RTTN: variants seen among roughly 807,000 people sequenced by gnomAD.
The protein encoded by RTTN is rotatin.
In RTTN, 182 loss-of-function variants were observed where a neutral mutation model predicts 269.2. That is an observed-to-expected ratio of 0.68 (90% CI 0.60 to 0.76). The LOEUF (loss-of-function observed/expected upper bound fraction) is 0.76. Among genes scored for constraint, RTTN ranks in the 30% least tolerant of loss-of-function variants. The pLI, the probability that RTTN is intolerant of heterozygous loss-of-function variation, is 0.00. For missense variants in RTTN, 2,545 were observed against 2,608.6 expected (o/e 0.98, Z 0.53); for synonymous variants, 1,006 against 963.5 (o/e 1.04, Z -0.82).
rs558207385 is a variant in RTTN at position 70,008,172 on chromosome 18, A to G, written c.6422-1688T>C. On this transcript the variant is annotated intron_variant, in intron 46 of 48. Transcript: ENST00000640769. ...AAGACCTGCAGCAGAGAGGCCCGTT[A>G]GGAAGAAAACTAACAAACAGAAAGG... 234 of 152,374 alleles carry G rather than the reference A, an allele frequency of 1.5e-3. 3 individuals are homozygous for G. The highest frequency in any genetic ancestry group is 0.012 in the South Asian group (57 of 4,832). 9.4% of individuals were successfully genotyped at this position (152,374 alleles called of 1,614,324 possible).
intron 7 of RTTN, among the ~76,000 whole-genome samples, chr18:70,195,048 T>A (rs951999447): frequency 6.6e-6 from 1 of 152,206 alleles, no homozygotes; most frequent in Non-Finnish European, 1.5e-5. Flanking sequence ...AGCTTCTCAC[T>A]ACACTTCAAA....
rs1243167801 is a variant in RTTN, at chr18:70,006,395, A to G, written c.6511T>C (p.Tyr2171His). The G allele has an allele frequency of 6.2e-7, 1 of 1,612,704 alleles. No homozygotes were observed. Among genetic ancestry groups the G allele is most frequent in the Non-Finnish European group, 8.5e-7 (1 of 1,178,820 alleles). ...IGAAALWALI[Y>H]NYQKAKTALK... ...TTAAAACTGACCTTCTGATAATTGT[A>G]AATCAGAGCCCAAAGGGCAGCTGCT... The change falls in exon 47 of 49, where the codon TAC (tyrosine) becomes CAC (histidine). Residue 2171 changes from tyrosine to histidine, a missense_variant. Transcript: ENST00000640769.
chr18:70,048,671 G>T (rs1313615959), intron 39 of RTTN, among the ~76,000 whole-genome samples: 1 of 151,802 alleles, frequency 6.6e-6, no homozygotes, highest in African/African-American at 2.4e-5. Flanking sequence ...TTAGATTTTG[G>T]CTTGTACAAA....
chr18:70,142,550 C>T (rs954708999), intron 18 of RTTN, among the ~76,000 whole-genome samples, 163 bp from the exon 19 acceptor site: 54 of 152,146 alleles, frequency 3.5e-4, no homozygotes, highest in African/African-American at 1.3e-3. Flanking sequence ...GGTTAAGTAG[C>T]AGTTCTGTAT....
intron 23 of RTTN, chr18:70,131,947 A>T (rs1377280499): frequency 2.6e-5 from 4 of 151,942 alleles, no homozygotes; most frequent in African/African-American, 9.7e-5. Flanking sequence ...TACTTCTTAA[A>T]AAAAAAAAGT....
chr18:70,170,619 G>A (rs1346027259), intron 11 of RTTN, among the ~76,000 whole-genome samples: 1 of 152,188 alleles, frequency 6.6e-6, no homozygotes, highest in Non-Finnish European at 1.5e-5. Flanking sequence ...GAGGGATGGA[G>A]TCAGAAAGGA....
At chr18:70,160,101 G>C (rs1167745054) in intron 14 of RTTN, among the ~76,000 whole-genome samples, 5 of 152,052 alleles carry the variant, frequency 3.3e-5, no homozygotes, top group South Asian at 4.1e-4. Context: ...GCATCATCCT[G>C]ATACCAAACC....
intron 37 of RTTN, among the ~76,000 whole-genome samples, chr18:70,055,642 T>A (rs533097481): frequency 6.6e-6 from 1 of 152,258 alleles, no homozygotes; most frequent in East Asian, 1.9e-4. Context: ...TTATAGCAAG[T>A]CTGACCTCTG....
At chr18:70,026,632 C>A (rs2056861464) in intron 43 of RTTN, among the ~76,000 whole-genome samples, 1 of 152,158 alleles carries the variant, frequency 6.6e-6, no homozygotes, top group Non-Finnish European at 1.5e-5. Context: ...TCAGATATTT[C>A]TTCATAGCAA....
At chr18:70,019,017 T>C (rs2056626458) in intron 45 of RTTN, among the ~76,000 whole-genome samples, 1 of 151,978 alleles carries the variant, frequency 6.6e-6, no homozygotes, top group Non-Finnish European at 1.5e-5. Flanking sequence ...AATGAAGAAG[T>C]AGAAGTGTTA....
Position 70,176,679 on chromosome 18 carries a change from T to C in RTTN, c.1472A>G (p.Glu491Gly). The change falls in exon 11 of 49, where the codon GAA becomes GGA. Residue 491 changes from glutamate to glycine, a missense_variant. Transcript: ENST00000640769. ...VRLLQTLLPV[E>G]KASEFLSEPM... The stretch of plus-strand genomic sequence containing the variant: ...GAGCAGCATTGCCTGCCTTACCTTT[T>C]CAACAGGGAGAAGCGTTTGTAGCAG... 6.2e-7 allele frequency: 1 copy of C among 1,612,550 alleles called. No homozygotes were observed. The highest frequency in any genetic ancestry group is 8.5e-7 in the Non-Finnish European group (1 of 1,179,298).
intron 26 of RTTN, among the ~76,000 whole-genome samples, chr18:70,118,612 C>G (rs1301264565): frequency 6.6e-6 from 1 of 152,020 alleles, no homozygotes; most frequent in Admixed American, 6.6e-5. Context: ...GATACCAAAG[C>G]CAGACGTGGG....
At chr18:70,180,327 T>G (rs183414714) in intron 10 of RTTN, among the ~76,000 whole-genome samples, 176 of 151,924 alleles carry the variant, frequency 1.2e-3, no homozygotes, top group African/African-American at 4.2e-3. Context: ...AAACCCAGTC[T>G]CTGCTAAAAA....
intron 14 of RTTN, among the ~76,000 whole-genome samples, chr18:70,162,716 G>T (rs1285313291): frequency 6.6e-6 from 1 of 151,788 alleles, no homozygotes; most frequent in African/African-American, 2.4e-5. Flanking sequence ...TGAGATTTGG[G>T]TGGGGACACA....
chr18:70,075,151 A>C (rs2058393648), intron 33 of RTTN: 1 of 427,626 alleles, frequency 2.3e-6, no homozygotes, highest in African/African-American at 2.1e-5. Context: ...CAAGATATGA[A>C]CATAATTACA....
intron 28 of RTTN, among the ~76,000 whole-genome samples, chr18:70,100,259 G>C (rs1201116310): frequency 6.6e-6 from 1 of 152,140 alleles, no homozygotes; most frequent in African/African-American, 2.4e-5. Flanking sequence ...ATTTCCTTGA[G>C]CAGTGGTTTG....
chr18:70,071,363 T>C (rs1280093164), intron 34 of RTTN, among the ~76,000 whole-genome samples: 3 of 152,198 alleles, frequency 2.0e-5, no homozygotes, highest in African/African-American at 7.2e-5. Context: ...GGAATTATAT[T>C]TCCCACATAT....
intron 4 of RTTN, 25 bp from the exon 5 acceptor site, chr18:70,199,529 T>C (rs371017218): frequency 1.1e-4 from 157 of 1,463,070 alleles, no homozygotes; most frequent in Non-Finnish European, 1.4e-4. Context: ...GCAAATCTTA[T>C]GGTATCAAAG....
At chr18:70,095,063 GTTT>G (rs138632105) in intron 28 of RTTN, among the ~76,000 whole-genome samples, 2 of 144,516 alleles carry the variant, frequency 1.4e-5, no homozygotes, top group Admixed American at 6.9e-5. Context: ...GTAATGCCTT[GTTT>G]TTTTTTTTAT....
Sources: gnomAD v4.1 joint callset for allele counts (sites outside exome capture counted in the v4.1 genomes callset) on GRCh38, gnomAD v4.1.1 for gene constraint, MANE v1.5 for transcripts, NCBI Gene and HGNC (gene_info 2026-07-23, HGNC 2026-07-21) for gene names.